Variants in KCNIP1 observed in about 807,000 individuals in gnomAD.
KCNIP1 encodes the protein potassium voltage-gated channel interacting protein 1.
A neutral mutation model predicts 33.0 loss-of-function variants in KCNIP1; 18 were observed. That is an observed-to-expected ratio of 0.55 (90% confidence interval 0.38 to 0.81). KCNIP1 has a LOEUF of 0.81. KCNIP1 is among the 30% of genes least tolerant of loss of function. The pLI, the probability that KCNIP1 is intolerant of heterozygous loss-of-function variation, is 0.00. For missense variants in KCNIP1, 238 were observed against 271.6 expected (o/e 0.88, Z 0.87); for synonymous variants, 93 against 98.3 (o/e 0.95, Z 0.32).
At chr5:170,718,903 G>C in intron 2 of KCNIP1, 21 bp downstream of exon 2, 1 of 1,601,804 alleles carries the variant, frequency 6.2e-7, no homozygotes. Flanking sequence ...TGCACGCTCT[G>C]AAGGCCTGGG....
intron 1 of KCNIP1, among the ~76,000 whole-genome samples, chr5:170,556,630 G>C (rs1403145327): frequency 2.0e-5 from 3 of 152,214 alleles, no homozygotes; most frequent in African/African-American, 7.2e-5. Context: ...TGGCAGCTGG[G>C]CCCGGAAGCA....
intron 1 of KCNIP1, among the ~76,000 whole-genome samples, chr5:170,408,118 T>C (rs1755085386): frequency 6.6e-6 from 1 of 152,238 alleles, no homozygotes. Context: ...ACTCAAATGC[T>C]AGCTGTTGTC....
At chr5:170,652,062 A>G (rs999626263) in intron 1 of KCNIP1, among the ~76,000 whole-genome samples, 4 of 152,172 alleles carry the variant, frequency 2.6e-5, no homozygotes, top group African/African-American at 9.7e-5. Flanking sequence ...ACGCTGAGCA[A>G]TGAGGAGCTG....
intron 1 of KCNIP1, among the ~76,000 whole-genome samples, chr5:170,532,695 C>T (rs1755827010): frequency 6.6e-6 from 1 of 152,148 alleles, no homozygotes; most frequent in African/African-American, 2.4e-5. Flanking sequence ...GTGGCTGCCT[C>T]TGCTCTTAGA....
rs148571401 is a variant in KCNIP1, at chr5:170,369,332, C to G, written c.88+15368C>G. 7.4e-3 allele frequency among the ~76,000 whole-genome samples: 1,129 copies of G among 152,278 alleles called. 10 individuals are homozygous for G. Among genetic ancestry groups the G allele is most frequent in the Middle Eastern group, 0.024 (7 of 294 alleles). Reference sequence around the variant, plus strand: ...GTGTAAAGGGCTTGGCGAAGAGTGCCACACACCCTTGATCATGAACTGTTA... The same window carrying G: ...GTGTAAAGGGCTTGGCGAAGAGTGCGACACACCCTTGATCATGAACTGTTA... On this transcript the variant is annotated intron_variant, in intron 1 of 7. Transcript: ENST00000377360.
At chr5:170,376,738 A>G (rs1764020858) in intron 1 of KCNIP1, 1 of 152,232 alleles carries the variant, frequency 6.6e-6, no homozygotes, top group South Asian at 2.1e-4. Flanking sequence ...TCCATGACGT[A>G]TACGTACCAC....
intron 1 of KCNIP1, among the ~76,000 whole-genome samples, chr5:170,438,010 C>T (rs1285358960): frequency 1.3e-5 from 2 of 152,224 alleles, no homozygotes; most frequent in Non-Finnish European, 2.9e-5. Context: ...GTTTGCTCCC[C>T]GCTGTGCTTC....
chr5:170,542,034 G>T (rs1396575695), intron 1 of KCNIP1, among the ~76,000 whole-genome samples: 1 of 152,198 alleles, frequency 6.6e-6, no homozygotes, highest in Non-Finnish European at 1.5e-5. Flanking sequence ...CCATTCTAAA[G>T]AGGTATCTCC....
intron 1 of KCNIP1, among the ~76,000 whole-genome samples, chr5:170,476,616 A>T (rs896329839): frequency 6.6e-6 from 1 of 152,192 alleles, no homozygotes; most frequent in Admixed American, 6.5e-5. Context: ...TATCAAAGTT[A>T]CGGTCTTGGG....
intron 1 of KCNIP1, among the ~76,000 whole-genome samples, chr5:170,393,740 TG>T (rs1157465652): frequency 6.6e-6 from 1 of 152,086 alleles, no homozygotes; most frequent in African/African-American, 2.4e-5. Context: ...ATGGTAAAGT[TG>T]TTCCCTGCTG....
At chr5:170,576,215 G>C (rs966549111) in intron 1 of KCNIP1, among the ~76,000 whole-genome samples, 1 of 152,138 alleles carries the variant, frequency 6.6e-6, no homozygotes, top group African/African-American at 2.4e-5. Context: ...CATAAGCATG[G>C]CTCATCTCTA....
At chr5:170,570,704 C>T (rs1235820134) in intron 1 of KCNIP1, among the ~76,000 whole-genome samples, 3 of 152,242 alleles carry the variant, frequency 2.0e-5, no homozygotes, top group Admixed American at 6.5e-5. Context: ...CATTGGAGCA[C>T]CAGCGACAGA....
chr5:170,499,285 T>C (rs1757367170), upstream of KCNIP1, among the ~76,000 whole-genome samples: 1 of 152,224 alleles, frequency 6.6e-6, no homozygotes, highest in Non-Finnish European at 1.5e-5. Flanking sequence ...GGAAATGCTG[T>C]GGCTTACTCA....
chr5:170,436,556 G>A (rs1755869969), intron 1 of KCNIP1, among the ~76,000 whole-genome samples: 1 of 152,230 alleles, frequency 6.6e-6, no homozygotes, highest in Admixed American at 6.5e-5. Flanking sequence ...CCCTAGAGCT[G>A]ACCTCAGTAA....
At chr5:170,532,905 G>A (rs1003948064) in intron 1 of KCNIP1, among the ~76,000 whole-genome samples, 24 of 152,288 alleles carry the variant, frequency 1.6e-4, no homozygotes, top group African/African-American at 5.8e-4. Context: ...TTTATGCAAA[G>A]GCCAGAGGAG....
At chr5:170,367,641 T>C (rs1355916061) in intron 1 of KCNIP1, among the ~76,000 whole-genome samples, 1 of 152,208 alleles carries the variant, frequency 6.6e-6, no homozygotes, top group Non-Finnish European at 1.5e-5. Flanking sequence ...TTTTACTCTT[T>C]CTCTTTACAT....
intron 1 of KCNIP1, among the ~76,000 whole-genome samples, chr5:170,451,942 A>G (rs556807968): frequency 6.6e-6 from 1 of 152,290 alleles, no homozygotes; most frequent in African/African-American, 2.4e-5. Flanking sequence ...TCTCTATCCC[A>G]GGAGCTGCCC....
chr5:170,695,787 A>C (rs957332662), intron 1 of KCNIP1, among the ~76,000 whole-genome samples: 3 of 152,102 alleles, frequency 2.0e-5, no homozygotes, highest in Non-Finnish European at 4.4e-5. Flanking sequence ...TTGGGAGGCC[A>C]AGGCGGGTGG....
At chr5:170,636,228 G>A (rs574513468) in intron 1 of KCNIP1, among the ~76,000 whole-genome samples, 1 of 152,338 alleles carries the variant, frequency 6.6e-6, no homozygotes, top group Admixed American at 6.5e-5. Context: ...TGGCGTCATT[G>A]GCGTAGAGAC....
Sources: gnomAD v4.1 joint callset for allele counts (sites outside exome capture counted in the v4.1 genomes callset) on GRCh38, gnomAD v4.1.1 for gene constraint, MANE v1.5 for transcripts, NCBI Gene and HGNC (gene_info 2026-07-23, HGNC 2026-07-21) for gene names.